The following ARG1 variants were observed in gnomAD, a reference collection of about 807,000 sequenced individuals.
ARG1 encodes arginase-1.
Under a neutral mutation model 33.0 loss-of-function variants are expected in ARG1, and 20 were observed. That is an observed-to-expected ratio of 0.61 (90% confidence interval 0.43 to 0.88). The LOEUF is 0.88. ARG1 is among the 40% of genes least tolerant of loss of function. ARG1 has a pLI of 0.00. For synonymous variants in ARG1, 146 were observed against 140.6 expected (o/e 1.04, Z -0.27); for missense variants, 374 against 384.7 (o/e 0.97, Z 0.23).
intron 3 of ARG1, 44 bp downstream of exon 3, chr6:131,579,329 A>G (rs1562357039): frequency 6.2e-7 from 1 of 1,603,048 alleles, no homozygotes. Context: ...GCACAAAGGA[A>G]GTAACCAAGG....
intron 1 of ARG1, among the ~76,000 whole-genome samples, chr6:131,575,001 G>A (rs1280810703): frequency 1.3e-5 from 2 of 152,118 alleles, no homozygotes; most frequent in Admixed American, 1.3e-4. Context: ...TATACTTGTG[G>A]CCATTTAGGG....
intron 1 of ARG1, chr6:131,574,330 G>A: frequency 6.2e-7 from 1 of 1,613,668 alleles, no homozygotes; most frequent in Non-Finnish European, 8.5e-7. Flanking sequence ...AGAGGTTAGA[G>A]GCCCAAACTG....
chr6:131,579,509 A>C (rs1585413217), intron 3 of ARG1: 1 of 428,222 alleles, frequency 2.3e-6, no homozygotes, highest in East Asian at 4.3e-5. Flanking sequence ...ACAGCAGAAA[A>C]TGTATGAAAT....
chr6:131,575,088 A>C lies in ARG1; in HGVS notation c.58-1575A>C, dbSNP rs1325338140. On this transcript the variant is annotated intron_variant, in intron 1 of 7. Transcript: ENST00000368087. ...GGGCAGATAGAGCAAGCAAGAGGAA[A>C]GCCCAATCATGAGAAGCCATTTGAA... Among the ~76,000 whole-genome samples the C allele has an allele frequency of 2.0e-5, 3 of 152,330 alleles. No homozygotes were observed. In the East Asian group the frequency reaches 5.8e-4, roughly 29 times the overall value.
rs775104877 is a variant in ARG1, at chr6:131,582,705, C to A, written c.550C>A (p.Pro184Thr). Residue 184 changes from proline to threonine, a missense_variant, in exon 5 of 8, where the codon CCT (proline) becomes ACT (threonine). Pro to Thr is a conservative substitution (Grantham distance 38). Coordinates refer to ENST00000368087, the MANE Select transcript of ARG1 (RefSeq NM_000045.4). ...IVYIGLRDVD[P>T]GEHYILKTLG... The stretch of plus-strand genomic sequence containing the variant: ...GTATATTGGCTTGAGAGACGTGGAC[C>A]CTGGGGAACAGTAAGCTTATTCCTT... 6 of 1,613,430 alleles carry A rather than the reference C, an allele frequency of 3.7e-6. No individual in the cohort carries two copies. The highest frequency in any genetic ancestry group is 1.3e-5 in the African/African-American group (1 of 74,842).
chr6:131,573,253 C>G lies in ARG1; in HGVS notation c.-30C>G. 6.2e-7 allele frequency: 1 copy of G among 1,613,672 alleles called. No homozygotes were observed. Among genetic ancestry groups the G allele is most frequent in the Non-Finnish European group, 8.5e-7 (1 of 1,179,720 alleles). ...CACTGAGGGTTGACTGACTGGAGAG[C>G]TCAAGTGCAGCAAAGAGAAGTGTCA... On this transcript the variant is annotated 5_prime_UTR_variant, in exon 1 of 8. Transcript: ENST00000368087.
At chr6:131,581,505 C>T in intron 4 of ARG1, 127 bp downstream of exon 4, 1 of 1,152,992 alleles carries the variant, frequency 8.7e-7, no homozygotes, top group Non-Finnish European at 1.2e-6. Flanking sequence ...TTCTCTGCAG[C>T]CAATAAGCAA....
intron 2 of ARG1, among the ~76,000 whole-genome samples, chr6:131,577,785 G>T (rs553896451): frequency 6.6e-6 from 1 of 151,538 alleles, no homozygotes; most frequent in Non-Finnish European, 1.5e-5. Flanking sequence ...TGAGCCTGTA[G>T]TCCCAGCTAC....
chr6:131,580,653 G>A (rs1324270032), intron 3 of ARG1, among the ~76,000 whole-genome samples: 1 of 152,176 alleles, frequency 6.6e-6, no homozygotes, highest in African/African-American at 2.4e-5. Flanking sequence ...GGTTGAGTGG[G>A]TAACTAGATG....
chr6:131,574,658 A>G (rs1032683970), intron 1 of ARG1, among the ~76,000 whole-genome samples: 1 of 152,172 alleles, frequency 6.6e-6, no homozygotes, highest in African/African-American at 2.4e-5. Flanking sequence ...TGGCCAACAT[A>G]TAAGTATTTG....
In ARG1 at chr6:131,575,541, G is replaced by T. The variant is rs1189639259; in HGVS notation, c.58-1122G>T. Among the ~76,000 whole-genome samples the T allele has an allele frequency of 2.0e-5, 3 of 152,228 alleles. No homozygotes were observed. In the East Asian group the frequency reaches 5.8e-4, roughly 29 times the overall value. Reference sequence around the variant, plus strand: ...GCCAGGGACAGGAATTTAACATCAAGGATTTGCCTGGCACCCAGGGCAAGT... The same window carrying T: ...GCCAGGGACAGGAATTTAACATCAATGATTTGCCTGGCACCCAGGGCAAGT... On this transcript the variant is annotated intron_variant, in intron 1 of 7. Coordinates refer to ENST00000368087, the MANE Select transcript of ARG1 (RefSeq NM_000045.4).
At chr6:131,579,930 A>C (rs1348480485) in intron 3 of ARG1, among the ~76,000 whole-genome samples, 1 of 151,994 alleles carries the variant, frequency 6.6e-6, no homozygotes, top group African/African-American at 2.4e-5. Context: ...TTGTTGCTTC[A>C]TGGGATGTGC....
intron 1 of ARG1, among the ~76,000 whole-genome samples, chr6:131,575,825 G>A (rs1001645468): frequency 1.3e-5 from 2 of 152,124 alleles, no homozygotes; most frequent in South Asian, 2.1e-4. Flanking sequence ...ATGTCAAAAC[G>A]GCAAGGGTAG....
At chr6:131,574,214 A>AT in intron 1 of ARG1, 1 of 1,551,256 alleles carries the variant, frequency 6.4e-7, no homozygotes, top group East Asian at 2.2e-5. Flanking sequence ...ACTAAGGTTG[A>AT]TTTTCTCCAG....
intron 1 of ARG1, chr6:131,574,388 CA>C (rs1554249627): frequency 7.0e-7 from 1 of 1,437,170 alleles, no homozygotes; most frequent in Non-Finnish European, 9.8e-7. Context: ...GGAAATCCTC[CA>C]AAAGTCTCTC....
Position 131,579,241 on chromosome 6 carries a change from C to A in ARG1, c.261C>A (p.Val87=). Residue 87 remains valine, a synonymous_variant, in exon 3 of 8, where the codon GTC becomes GTA. Transcript: ENST00000368087. The stretch of plus-strand genomic sequence containing the variant: ...AGCTGGCTGGCAAGGTGGCAGAAGT[C>A]AAGAAGAACGGAAGAATCAGCCTGG... ...SEQLAGKVAE[V]KKNGRISLVL... The A allele has an allele frequency of 6.2e-7, 1 of 1,614,020 alleles. No individual in the cohort carries two copies. Among genetic ancestry groups the A allele is most frequent in the South Asian group, 1.1e-5 (1 of 91,036 alleles).
chr6:131,582,471 C>T lies in ARG1; in HGVS notation c.466-150C>T, dbSNP rs959068054. On this transcript the variant is annotated intron_variant, in intron 4 of 7. Coordinates refer to ENST00000368087, the MANE Select transcript of ARG1 (RefSeq NM_000045.4). ...GCAATCAAGGGGAGGCACACATCCT[C>T]TTCTTAATTGTGTATTATTTTTACA... 16 of 686,304 alleles carry T rather than the reference C, an allele frequency of 2.3e-5. 1 individual carries two copies. The highest frequency in any genetic ancestry group is 8.4e-4 in the Middle Eastern group (2 of 2,394). 42.5% of individuals were successfully genotyped at this position (686,304 alleles called of 1,614,324 possible).
rs896852725 is a variant in ARG1 at position 131,583,115 on chromosome 6, C to G, written c.616C>G (p.Leu206Val). Residue 206 changes from leucine to valine, a missense_variant, in exon 6 of 8, where the codon CTA becomes GTA. Coordinates refer to ENST00000368087, the MANE Select transcript of ARG1 (RefSeq NM_000045.4). ...CTTTTCAATGACTGAAGTGGACAGA[C>G]TAGGAATTGGCAAGGTGATGGAAGA... ...KYFSMTEVDR[L>V]GIGKVMEETL... is the part of the protein sequence containing the mutation. 2 of 1,613,922 alleles carry G rather than the reference C, an allele frequency of 1.2e-6. No homozygotes were observed. The highest frequency in any genetic ancestry group is 1.7e-6 in the Non-Finnish European group (2 of 1,179,934).
chr6:131,577,651 T>TATCA (rs1317850350), intron 2 of ARG1, among the ~76,000 whole-genome samples: 3 of 151,630 alleles, frequency 2.0e-5, no homozygotes, highest in Non-Finnish European at 4.4e-5. Context: ...CCTGTAATCC[T>TATCA]ATCACTTTGG....
Sources: allele counts gnomAD v4.1 joint callset (sites outside exome capture counted in the v4.1 genomes callset), GRCh38; gene constraint gnomAD v4.1.1; transcripts MANE v1.5; gene names NCBI Gene and HGNC (gene_info 2026-07-23, HGNC 2026-07-21).